The following TTN variants were observed in gnomAD, a reference collection of about 807,000 sequenced individuals.
TTN encodes titin.
A neutral mutation model predicts 3,223.0 loss-of-function variants in TTN; 1,525 were observed. The ratio of observed to expected loss-of-function variants is 0.47; its 90% CI spans 0.45 to 0.49. TTN has a LOEUF of 0.49. TTN is among the 20% of genes least tolerant of loss of function. The pLI, the probability that TTN is intolerant of heterozygous loss-of-function variation, is 0.00. For synonymous variants in TTN, 14,094 were observed against 15,161.0 expected (o/e 0.93, Z 5.17); for missense variants, 40,786 against 43,424.0 (o/e 0.94, Z 5.40).
chr2:178,582,720 T>G (rs1559514266), intron 313 of TTN, 128 bp from the exon 314 acceptor site: 1 of 1,028,238 alleles, frequency 9.7e-7, no homozygotes, highest in East Asian at 2.7e-5. Context: ...AGTTAATTTT[T>G]TAGAATCTTA....
Position 178,689,895 on chromosome 2 carries a change from G to T in TTN, c.31764C>A (p.Val10588=). The T allele has an allele frequency of 1.9e-6, 3 of 1,612,848 alleles. No homozygotes were observed. Among genetic ancestry groups the T allele is most frequent in the Non-Finnish European group, 2.5e-6 (3 of 1,179,352 alleles). ...GGACAGGTTTCTTTGGCACCTCTGG[G>T]ACTTAAAGTTTTTGAAACACAATGT... The part of the protein sequence containing the change: ...PKKEPAAPPK[V]PEVPKKPVPE... Residue 10588 remains valine (V), a splice_region_variant and synonymous_variant, in exon 122 of 363, where the codon GTC becomes GTA. Transcript: ENST00000589042.
At chr2:178,747,446 T>C in intron 47 of TTN, 1 of 1,613,356 alleles carries the variant, frequency 6.2e-7, no homozygotes, top group Non-Finnish European at 8.5e-7. Context: ...ATAAAACTGA[T>C]CTAACTCAGA....
At position 178,653,069 on chromosome 2, in the gene TTN, A is replaced by T. The variant is rs1192523508; in HGVS notation, c.38847T>A (p.Pro12949=). Reference sequence around the variant, plus strand: ...TAACAGGTGGGACTTCAGGTTTTTTAGGAGGAGTCACTGGCACTTTCTTTT... The same window carrying T: ...TAACAGGTGGGACTTCAGGTTTTTTTGGAGGAGTCACTGGCACTTTCTTTT... ...VPEKKVPVTP[P]KKPEVPPVKV... Residue 12949 remains proline (P), a synonymous_variant, in exon 199 of 363, where the codon CCT becomes CCA. Transcript: ENST00000589042. The T allele has an allele frequency of 6.2e-7, 1 of 1,613,350 alleles. No individual in the cohort carries two copies. Among genetic ancestry groups the T allele is most frequent in the East Asian group, 2.2e-5 (1 of 44,860 alleles).
intron 103 of TTN, 32 bp downstream of exon 103, chr2:178,705,142 T>C (rs2075647631): frequency 1.0e-5 from 16 of 1,600,612 alleles, no homozygotes; most frequent in Non-Finnish European, 1.4e-5. Flanking sequence ...ATGTGACTTT[T>C]TTAGCATGAT....
In TTN at chr2:178,554,692, G is replaced by T; in HGVS notation, c.88655C>A (p.Thr29552Asn). 1 of 1,613,918 alleles carries T rather than the reference G, an allele frequency of 6.2e-7. No individual in the cohort carries two copies. Among genetic ancestry groups the T allele is most frequent in the Non-Finnish European group, 8.5e-7 (1 of 1,179,846 alleles). Residue 29552 changes from threonine (T) to asparagine (N), a missense_variant, in exon 332 of 363, where the codon ACC becomes AAC. Thr to Asn is a moderately conservative substitution (Grantham distance 65). Transcript: ENST00000589042. ...ATCAGCTGGAGGCCGCCAGAGAAGG[G>T]TGATCTTCTCAGCAGTTACAGTCTT... ...EFKTVTAEKI[T>N]LLWRPPADDG...
Position 178,702,934 on chromosome 2 carries a change from C to G in TTN, c.30224-271G>C, listed in dbSNP as rs143958604. ...TTAAAATATTTATATAAAGAACATA[C>G]TAAAGAGAGCTAATGACCCAAAGTC... On this transcript the variant is annotated intron_variant, in intron 106 of 362. Transcript: ENST00000589042. Among the ~76,000 whole-genome samples the G allele has an allele frequency of 6.5e-3, 991 of 152,214 alleles. No homozygotes were observed. The highest frequency in any genetic ancestry group is 0.011 in the Non-Finnish European group (774 of 67,998).
Position 178,724,023 on chromosome 2 carries a change from T to C in TTN, c.21236A>G (p.His7079Arg), listed in dbSNP as rs781652689. The C allele has an allele frequency of 3.1e-6, 5 of 1,613,566 alleles. No individual in the cohort carries two copies. Among genetic ancestry groups the C allele is most frequent in the Non-Finnish European group, 4.2e-6 (5 of 1,179,624 alleles). ...TCCACTGACAATCTTGGTTTTCTCA[T>C]GAAACCAGGCAACTGAAATAGGTGA... ...GSSPISVAWF[H>R]EKTKIVSGAK... The change falls in exon 73 of 363, where the codon CAT becomes CGT. Residue 7079 changes from histidine to arginine, a missense_variant. By Grantham distance (29) the His-to-Arg change is conservative. Coordinates refer to ENST00000589042, the MANE Select transcript of TTN (RefSeq NM_001267550.2).
chr2:178,533,968 C>T lies in TTN; in HGVS notation c.102647G>A (p.Gly34216Asp). Residue 34216 changes from glycine (G) to aspartate (D), a missense_variant, in exon 358 of 363, where the codon GGT becomes GAT. Coordinates refer to ENST00000589042, the MANE Select transcript of TTN (RefSeq NM_001267550.2). ...TAGCTCTGCATAAGAACTGTCTTCACCATAGTCATTGACTACTTTGCATCT... is the reference window on the plus strand; with the variant it reads ...TAGCTCTGCATAAGAACTGTCTTCATCATAGTCATTGACTACTTTGCATCT... ...TYRCKVVNDY[G>D]EDSSYAELFV... 1.2e-6 allele frequency: 2 copies of T among 1,613,880 alleles called. No homozygotes were observed. Among genetic ancestry groups the T allele is most frequent in the Non-Finnish European group, 1.7e-6 (2 of 1,179,852 alleles).
intron 302 of TTN, 40 bp from the exon 303 acceptor site, chr2:178,591,932 T>C: frequency 6.2e-7 from 1 of 1,606,904 alleles, no homozygotes; most frequent in Non-Finnish European, 8.5e-7. Flanking sequence ...GTAATATTCT[T>C]AAAGACAGTC....
In TTN at chr2:178,609,628, A is replaced by ATTAT. The variant is rs970925760; in HGVS notation, c.51739+52_51739+55dup. 6.6e-5 allele frequency: 103 copies of ATTAT among 1,552,150 alleles called. No homozygotes were observed. The African/African-American group carries it at 1.2e-3, about 19-fold the overall frequency. On this transcript the variant is annotated intron_variant, in intron 272 of 362. Transcript: ENST00000589042. Reference sequence around the variant, plus strand: ...TTCTGATGAAAATAACTGACAAAACATTATTTTCATTTATTTCAAAATGGG... The same window carrying ATTAT: ...TTCTGATGAAAATAACTGACAAAACATTATTTATTTTCATTTATTTCAAAATGGG...
Position 178,528,760 on chromosome 2 carries a change from A to C in TTN, c.106991T>G (p.Ile35664Ser), listed in dbSNP as rs1060500501. The C allele has an allele frequency of 6.2e-7, 1 of 1,612,712 alleles. No individual in the cohort carries two copies. Among genetic ancestry groups the C allele is most frequent in the Non-Finnish European group, 8.5e-7 (1 of 1,179,162 alleles). Residue 35664 changes from isoleucine (I) to serine (S), a missense_variant, in exon 360 of 363, where the codon ATC (isoleucine) becomes AGC (serine). By Grantham distance (142) the Ile-to-Ser change is moderately radical (BLOSUM62 -2). Transcript: ENST00000589042. The part of the protein sequence containing the change: ...GVSGSDQTLT[I>S]KQASHRDEGI... ...TTCATCTCTGTGACTGGCTTGCTTG[A>C]TGGTTAGGGTCTGATCGCTGCCTGA...
intron 17 of TTN, 31 bp from the exon 18 acceptor site, chr2:178,783,095 A>G: frequency 6.2e-7 from 1 of 1,607,310 alleles, no homozygotes; most frequent in South Asian, 1.1e-5. Context: ...AAATAATGAT[A>G]CGTGTGCATA....
rs2053610320 is a variant in TTN at position 178,602,094 on chromosome 2, C to T, written c.55177G>A (p.Gly18393Ser). ...ACAGCAGGAATCCTAATCTGTGAGC[C>T]AGCTTTACAAACCAGACAGTCCTGT... ...GAQDCLVCKA[G>S]SQIRIPAVIK... is the part of the protein sequence containing the mutation. Residue 18393 changes from glycine to serine, a missense_variant, in exon 284 of 363, where the codon GGC (glycine) becomes AGC (serine). Gly to Ser is a moderately conservative substitution (Grantham distance 56, BLOSUM62 0). Coordinates refer to ENST00000589042, the MANE Select transcript of TTN (RefSeq NM_001267550.2). 6.2e-7 allele frequency: 1 copy of T among 1,612,480 alleles called. No individual in the cohort carries two copies. Among genetic ancestry groups the T allele is most frequent in the South Asian group, 1.1e-5 (1 of 90,980 alleles).
Position 178,741,155 on chromosome 2 carries a change from C to T in TTN, c.12078G>A (p.Leu4026=), listed in dbSNP as rs926556907. 3 of 1,613,502 alleles carry T rather than the reference C, an allele frequency of 1.9e-6. No homozygotes were observed. The highest frequency in any genetic ancestry group is 1.3e-5 in the African/African-American group (1 of 74,942). The change falls in exon 48 of 363, where the codon CTG becomes CTA. Residue 4026 remains leucine (L), a synonymous_variant. Transcript: ENST00000589042. Reference sequence around the variant, plus strand: ...TGTCTGTGTCTTCCAGAAGCACAAGCAGCTCTGCTGCACAGGTGGACTCAC... The same window carrying T: ...TGTCTGTGTCTTCCAGAAGCACAAGTAGCTCTGCTGCACAGGTGGACTCAC... ...MLGESTCAAE[L]LVLLEDTDMT... is the part of the protein sequence containing the mutation.
In TTN at chr2:178,608,495, T is replaced by C. The variant is rs2055470950; in HGVS notation, c.52406-18A>G. 6.4e-7 allele frequency: 1 copy of C among 1,567,798 alleles called. No individual in the cohort carries two copies. Among genetic ancestry groups the C allele is most frequent in the African/African-American group, 1.4e-5 (1 of 72,952 alleles). The stretch of plus-strand genomic sequence containing the variant: ...AGGTGGTCCTGATAAAAAAATAACA[T>C]TTGAAGTAAATTTCCCAGTATGACA... On this transcript the variant is annotated intron_variant, in intron 274 of 362. Coordinates refer to ENST00000589042, the MANE Select transcript of TTN (RefSeq NM_001267550.2).
At position 178,747,908 on chromosome 2, in the gene TTN, C is replaced by T. The variant is rs150615457; in HGVS notation, c.11311+5216G>A. ...TTCTTCAGTCATCAAGAGTGGGAAG[C>T]ACTGACTCAGGGAGAGCTGTCTATG... On this transcript the variant is annotated intron_variant, in intron 47 of 362. Transcript: ENST00000589042. 3,987 of 1,613,174 alleles carry T rather than the reference C, an allele frequency of 2.5e-3. 57 individuals carry two copies. Among genetic ancestry groups the T allele is most frequent in the South Asian group, 0.022 (1,960 of 91,064 alleles).
Position 178,652,366 on chromosome 2 carries a change from A to C in TTN, c.39128-19T>G. ...TCAGGCACTTGAAAGATAATAGTGA[A>C]ATTACATTTAGGCATTATGAAGACC... On this transcript the variant is annotated intron_variant, in intron 202 of 362. Coordinates refer to ENST00000589042, the MANE Select transcript of TTN (RefSeq NM_001267550.2). 6.2e-7 allele frequency: 1 copy of C among 1,613,488 alleles called. No homozygotes were observed. Among genetic ancestry groups the C allele is most frequent in the Admixed American group, 1.7e-5 (1 of 59,962 alleles).
Position 178,734,921 on chromosome 2 carries a change from G to C in TTN, c.15003C>G (p.Leu5001=), listed in dbSNP as rs1430516736. 6.2e-7 allele frequency: 1 copy of C among 1,611,748 alleles called. No individual in the cohort carries two copies. The highest frequency in any genetic ancestry group is 1.1e-5 in the South Asian group (1 of 90,888). Reference sequence around the variant, plus strand: ...CAGGTGAGCCTTTCAGCTTGCAATGGAGGCGTGCTGATTCACCTGGGAGCA... The same window carrying C: ...CAGGTGAGCCTTTCAGCTTGCAATGCAGGCGTGCTGATTCACCTGGGAGCA... ...YLMLPGESAR[L]HCKLKGSPVI... Residue 5001 remains leucine (L), a synonymous_variant, in exon 51 of 363, where the codon CTC becomes CTG. Transcript: ENST00000589042.
intron 250 of TTN, chr2:178,619,135 C>T (rs981190666): frequency 7.4e-5 from 34 of 456,804 alleles, no homozygotes; most frequent in African/African-American, 6.8e-4. Flanking sequence ...TAGTGCAAAA[C>T]ATGTTTTGTT....
Sources: gnomAD v4.1 joint callset for allele counts (sites outside exome capture counted in the v4.1 genomes callset) on GRCh38, gnomAD v4.1.1 for gene constraint, MANE v1.5 for transcripts, NCBI Gene and HGNC (gene_info 2026-07-23, HGNC 2026-07-21) for gene names.